The following AFF3 variants were observed in gnomAD, a reference collection of about 807,000 sequenced individuals.
AFF3 encodes ALF transcription elongation factor 3.
AFF3 carries 32 observed loss-of-function variants against 129.7 expected under a neutral mutation model. That is an observed-to-expected ratio of 0.25 (90% CI 0.19 to 0.33). AFF3 has a LOEUF of 0.33. AFF3 is among the 10% of genes least tolerant of loss of function. The pLI is 1.00. For synonymous variants in AFF3, 644 were observed against 635.4 expected (o/e 1.01, Z -0.20); for missense variants, 1,373 against 1,592.0 (o/e 0.86, Z 2.34).
At chr2:99,947,686 A>C (rs72819147) in intron 7 of AFF3, among the ~76,000 whole-genome samples, 27,184 of 149,852 alleles carry the variant, frequency 0.18, 3,362 homozygotes, top group African/African-American at 0.32. Flanking sequence ...ATCGATCCAA[A>C]CACAGGCACA....
At chr2:99,750,205 A>G (rs1485303731) in intron 9 of AFF3, among the ~76,000 whole-genome samples, 1 of 152,162 alleles carries the variant, frequency 6.6e-6, no homozygotes, top group Non-Finnish European at 1.5e-5. Flanking sequence ...AGGAGTTCCT[A>G]CAAATTAGTT....
At chr2:99,953,274 T>A (rs1676333954) in intron 7 of AFF3, among the ~76,000 whole-genome samples, 1 of 152,146 alleles carries the variant, frequency 6.6e-6, no homozygotes, top group African/African-American at 2.4e-5. Flanking sequence ...AGATTGGGCA[T>A]CTCTAATGTC....
At chr2:99,766,205 C>G (rs893467206) in intron 8 of AFF3, among the ~76,000 whole-genome samples, 1 of 152,226 alleles carries the variant, frequency 6.6e-6, no homozygotes, top group Non-Finnish European at 1.5e-5. Flanking sequence ...ATCAAAGTTC[C>G]CGGTCAGGTG....
In AFF3 at chr2:99,841,326, G is replaced by A. The variant is rs188332469; in HGVS notation, c.874-3802C>T. 4.6e-5 allele frequency among the ~76,000 whole-genome samples: 7 copies of A among 152,324 alleles called. No homozygotes were observed. In the East Asian group the frequency reaches 1.3e-3, roughly 29 times the overall value. On this transcript the variant is annotated intron_variant, in intron 7 of 24. Transcript: ENST00000672756. ...TTCTCTCATCACTGGAGACATAGATGTAGGATCTTTACACTAAGTCATCTC... is the reference window on the plus strand; with the variant it reads ...TTCTCTCATCACTGGAGACATAGATATAGGATCTTTACACTAAGTCATCTC...
Position 99,893,020 on chromosome 2 carries a change from C to A in AFF3, c.874-55496G>T, listed in dbSNP as rs141781596. Among the ~76,000 whole-genome samples, 919 of 152,204 alleles carry A rather than the reference C, an allele frequency of 6.0e-3. 6 individuals carry two copies. The highest frequency in any genetic ancestry group is 0.011 in the Non-Finnish European group (719 of 68,012). On this transcript the variant is annotated intron_variant, in intron 7 of 24. Transcript: ENST00000672756. ...AAGGAGAAGCTGTTCCAAGGGTGGG[C>A]AAGGAAGGGAATATGGTTGCTTAAT...
intron 13 of AFF3, among the ~76,000 whole-genome samples, chr2:99,645,319 C>A (rs1684600595): frequency 6.6e-6 from 1 of 152,086 alleles, no homozygotes; most frequent in Non-Finnish European, 1.5e-5. Context: ...CAGAGTGAGA[C>A]CCTGTCTCAA....
intron 11 of AFF3, among the ~76,000 whole-genome samples, chr2:99,720,537 G>A (rs768572725): frequency 2.0e-5 from 3 of 152,088 alleles, no homozygotes; most frequent in Non-Finnish European, 2.9e-5. Context: ...GCAGAACCGC[G>A]AGCTAAGGAT....
intron 8 of AFF3, among the ~76,000 whole-genome samples, chr2:99,789,655 G>A (rs550476520): frequency 1.3e-5 from 2 of 152,058 alleles, no homozygotes; most frequent in African/African-American, 4.8e-5. Context: ...GGCCTCAGGA[G>A]AGACTTTCAT....
At position 99,566,083 on chromosome 2, in the gene AFF3, G is replaced by A. The variant is rs192690053; in HGVS notation, c.2983-460C>T. Among the ~76,000 whole-genome samples the A allele has an allele frequency of 1.4e-3, 211 of 151,954 alleles. 1 individual carries two copies. The highest frequency in any genetic ancestry group is 3.4e-3 in the Middle Eastern group (1 of 292). ...GTTATTATCTTTTACATTATTTGTG[G>A]CACTTATATCTCCATGCCTTCCTCT... is the stretch of plus-strand genomic sequence containing the variant. On this transcript the variant is annotated intron_variant, in intron 19 of 24. Coordinates refer to ENST00000672756, the MANE Select transcript of AFF3 (RefSeq NM_001386135.1).
intron 13 of AFF3, among the ~76,000 whole-genome samples, chr2:99,603,190 C>A (rs1558632825): frequency 2.0e-5 from 3 of 152,002 alleles, no homozygotes; most frequent in African/African-American, 7.3e-5. Flanking sequence ...GGGCAAGGCA[C>A]AGTTAGAGCT....
At chr2:99,768,662 T>C (rs1212680757) in intron 8 of AFF3, among the ~76,000 whole-genome samples, 1 of 152,234 alleles carries the variant, frequency 6.6e-6, no homozygotes, top group Non-Finnish European at 1.5e-5. Flanking sequence ...CCCTTCAGCA[T>C]TTCTTATACG....
chr2:99,597,406 T>C (rs891568054), intron 14 of AFF3, among the ~76,000 whole-genome samples: 1 of 152,256 alleles, frequency 6.6e-6, no homozygotes, highest in Non-Finnish European at 1.5e-5. Context: ...TGTGTATATA[T>C]GTCTTGTGTC....
chr2:100,016,241 GGGTGATGGCAGTGGTAGTGGTGGC>G (rs1683041987), intron 4 of AFF3, among the ~76,000 whole-genome samples: 1 of 149,044 alleles, frequency 6.7e-6, no homozygotes, highest in Non-Finnish European at 1.5e-5. Flanking sequence ...ATGGTGGTGG[GGGTGATGGCAGTGGTAGTGGTGGC>G]GGTGGCAGTG....
chr2:99,605,677 T>C (rs1680259914), intron 13 of AFF3, among the ~76,000 whole-genome samples: 1 of 152,180 alleles, frequency 6.6e-6, no homozygotes, highest in Non-Finnish European at 1.5e-5. Context: ...TGGACTCGGC[T>C]AAGCCACAAA....
intron 7 of AFF3, among the ~76,000 whole-genome samples, chr2:99,866,044 G>C (rs1172839057): frequency 2.0e-5 from 3 of 152,200 alleles, no homozygotes; most frequent in African/African-American, 7.2e-5. Flanking sequence ...GAAATAAACA[G>C]GGCTACCTTC....
chr2:99,848,087 T>C (rs553589967), intron 7 of AFF3, among the ~76,000 whole-genome samples: 1 of 151,700 alleles, frequency 6.6e-6, no homozygotes, highest in African/African-American at 2.4e-5. Flanking sequence ...TTCAAGACCC[T>C]GTCTCTACTA....
chr2:100,046,088 T>C (rs1189238321), intron 4 of AFF3, among the ~76,000 whole-genome samples: 2 of 152,188 alleles, frequency 1.3e-5, no homozygotes, highest in Non-Finnish European at 2.9e-5. Context: ...TCACATGATC[T>C]AAGGCAAGTA....
Position 99,888,807 on chromosome 2 carries a change from G to A in AFF3, c.874-51283C>T, listed in dbSNP as rs573807693. ...TATTCTTGGGCCTCCTTCTGCCCAA[G>A]AGGCCAAGGAGGGATGAACAATGAC... On this transcript the variant is annotated intron_variant, in intron 7 of 24. Coordinates refer to ENST00000672756, the MANE Select transcript of AFF3 (RefSeq NM_001386135.1). 4.3e-3 allele frequency among the ~76,000 whole-genome samples: 651 copies of A among 152,144 alleles called. 6 individuals are homozygous for A. Among genetic ancestry groups the A allele is most frequent in the African/African-American group, 0.015 (624 of 41,492 alleles).
chr2:99,865,085 C>T (rs186676637), intron 7 of AFF3, among the ~76,000 whole-genome samples: 1 of 152,360 alleles, frequency 6.6e-6, no homozygotes, highest in Admixed American at 6.5e-5. Context: ...TGAGCCCAAA[C>T]TGCTGAGAAC....
Sources: gnomAD v4.1 joint callset for allele counts (sites outside exome capture counted in the v4.1 genomes callset) on GRCh38, gnomAD v4.1.1 for gene constraint, MANE v1.5 for transcripts, NCBI Gene and HGNC (gene_info 2026-07-23, HGNC 2026-07-21) for gene names.